Variants in FCRL4 observed in about 807,000 individuals in gnomAD.
FCRL4 encodes Fc receptor-like protein 4.
In FCRL4, 43 loss-of-function variants were observed where a neutral mutation model predicts 64.1. The ratio of observed to expected loss-of-function variants is 0.67; its 90% CI spans 0.53 to 0.87. The LOEUF (loss-of-function observed/expected upper bound fraction) is 0.87, where lower values mean the gene tolerates loss of function less well. FCRL4 is among the 40% of genes least tolerant of loss of function. The pLI is 0.00. For missense variants in FCRL4, 656 were observed against 613.5 expected (o/e 1.07, Z -0.73); for synonymous variants, 253 against 239.8 (o/e 1.05, Z -0.51).
At chr1:157,585,388 T>C (rs1029421639) in intron 6 of FCRL4, among the ~76,000 whole-genome samples, 1 of 93,564 alleles carries the variant, frequency 1.1e-5, no homozygotes, top group Non-Finnish European at 2.4e-5. Flanking sequence ...CTTTCTTTCT[T>C]TCTTTCCTTC....
rs180851267 is a variant in FCRL4, at chr1:157,582,228, G to A, written c.1136-584C>T. ...GGCTTTTGATATTTCCATGGGGTCC[G>A]TTCTCCTATCCTTTCATCCACGGAA... On this transcript the variant is annotated intron_variant, in intron 6 of 11. Coordinates refer to ENST00000271532, the MANE Select transcript of FCRL4 (RefSeq NM_031282.3). 1.1e-4 allele frequency among the ~76,000 whole-genome samples: 17 copies of A among 152,266 alleles called. No individual in the cohort carries two copies. In the East Asian group the frequency reaches 2.7e-3, roughly 24 times the overall value.
intron 8 of FCRL4, 107 bp from the exon 9 acceptor site, chr1:157,578,959 G>T (rs972148389): frequency 3.5e-6 from 3 of 848,208 alleles, no homozygotes; most frequent in African/African-American, 3.4e-5. Context: ...GAGAAAGTCA[G>T]CAGCCAGTAG....
At position 157,575,302 on chromosome 1, in the gene FCRL4, CTG is replaced by C; in HGVS notation, c.*220_*221del. The stretch of plus-strand genomic sequence containing the variant: ...CAAATACTACAGGGTCTTCTCTTAA[CTG>C]TGGATCCTGGTCATTTTAGTGAAGT... On this transcript the variant is annotated 3_prime_UTR_variant, in exon 12 of 12. Coordinates refer to ENST00000271532, the MANE Select transcript of FCRL4 (RefSeq NM_031282.3). 2 of 566,914 alleles carry C rather than the reference CTG, an allele frequency of 3.5e-6. No homozygotes were observed. The highest frequency in any genetic ancestry group is 4.1e-5 in the South Asian group (2 of 49,188). 35.1% of individuals were successfully genotyped at this position (566,914 alleles called of 1,614,324 possible). A position where few individuals can be genotyped will look rare whatever the true frequency, so the allele number is the denominator to read the frequency against.
chr1:157,582,937 G>T (rs941792339), intron 6 of FCRL4, among the ~76,000 whole-genome samples: 1 of 152,168 alleles, frequency 6.6e-6, no homozygotes, highest in East Asian at 1.9e-4. Flanking sequence ...CCACACCCAG[G>T]CCTAGGATTC....
chr1:157,575,526 A>T lies in FCRL4; in HGVS notation c.1546T>A (p.Ter516LysextTer31), dbSNP rs778991509. Residue 516 changes from the stop codon to lysine, a stop_lost, in exon 12 of 12, where the codon TAA (stop) becomes AAA (lysine). Transcript: ENST00000271532. ...CGTTCTCGTAACTTTTCATTCTCTT[A>T]ACTTTCTTCATCCTTAGAGCTGATC... ...GKISSKDEES* is the reference protein window; with the variant it reads ...GKISSKDEESK 1 of 1,612,112 alleles carries T rather than the reference A, an allele frequency of 6.2e-7. No individual in the cohort carries two copies. Among genetic ancestry groups the T allele is most frequent in the East Asian group, 2.2e-5 (1 of 44,850 alleles).
intron 6 of FCRL4, among the ~76,000 whole-genome samples, chr1:157,585,340 CT>C (rs1652652303): frequency 4.0e-5 from 4 of 99,506 alleles, no homozygotes; most frequent in South Asian, 4.1e-4. Flanking sequence ...CTTTCTTTCT[CT>C]CTCTCTTTCT....
chr1:157,580,192 G>A (rs868210293), intron 8 of FCRL4, 129 bp downstream of exon 8: 22 of 962,164 alleles, frequency 2.3e-5, no homozygotes, highest in African/African-American at 1.1e-4. Flanking sequence ...CAAATTCATG[G>A]AGTGTGAAAA....
chr1:157,578,657 G>A lies in FCRL4; in HGVS notation c.1360+113C>T, dbSNP rs1443844311. 9 of 1,391,268 alleles carry A rather than the reference G, an allele frequency of 6.5e-6. No individual in the cohort carries two copies. The East Asian group carries it at 1.8e-4, about 28-fold the overall frequency. 86.2% of individuals were successfully genotyped at this position (1,391,268 alleles called of 1,614,324 possible). A position where few individuals can be genotyped will look rare whatever the true frequency, so the allele number is the denominator to read the frequency against. On this transcript the variant is annotated intron_variant, in intron 9 of 11. Coordinates refer to ENST00000271532, the MANE Select transcript of FCRL4 (RefSeq NM_031282.3). ...GACACATAATGGAACAATTATCTGG[G>A]AATATCTGGATTTGGGACACTTTAG...
intron 1 of FCRL4, 85 bp downstream of exon 1, chr1:157,597,829 A>G (rs1004724878): frequency 3.8e-6 from 4 of 1,066,478 alleles, no homozygotes; most frequent in South Asian, 1.4e-5. Flanking sequence ...GTAAAAATCC[A>G]TGATTGCAGC....
At position 157,596,337 on chromosome 1, in the gene FCRL4, C is replaced by T. The variant is rs1187051362; in HGVS notation, c.43G>A (p.Gly15Arg). ...ASLLAFAPVC[G>R]QSAAAHKPVI... ...GAAAATAAGGACTTACCAGATTGTCCACAGACTGGAGCTGAAAGAGAGTAA... is the reference window on the plus strand; with the variant it reads ...GAAAATAAGGACTTACCAGATTGTCTACAGACTGGAGCTGAAAGAGAGTAA... Residue 15 changes from glycine to arginine, a missense_variant, in exon 2 of 12, where the codon GGA becomes AGA. By Grantham distance (125) the Gly-to-Arg change is moderately radical (BLOSUM62 -2). Transcript: ENST00000271532. 4 of 1,613,816 alleles carry T rather than the reference C, an allele frequency of 2.5e-6. No individual in the cohort carries two copies. The highest frequency in any genetic ancestry group is 1.3e-5 in the African/African-American group (1 of 74,884).
At chr1:157,575,827 C>T in intron 10 of FCRL4, 97 bp from the exon 11 acceptor site, 1 of 1,090,746 alleles carries the variant, frequency 9.2e-7, no homozygotes, top group Non-Finnish European at 1.4e-6. Flanking sequence ...GCCACTGGGC[C>T]CTGTCCACCT....
rs1039826170 is a variant in FCRL4 at position 157,589,378 on chromosome 1, T to C, written c.133A>G (p.Asn45Asp). Residue 45 changes from asparagine (N) to aspartate (D), a missense_variant, in exon 3 of 12, where the codon AAT becomes GAT. Transcript: ENST00000271532. ...TCTGTTGCATAGAACTGAAATCCAT[T>C]GCAAGTCAGAGTCACTCTCTCTCCT... is the stretch of plus-strand genomic sequence containing the variant. ...FKGERVTLTC[N>D]GFQFYATEKT... 9 of 1,614,120 alleles carry C rather than the reference T, an allele frequency of 5.6e-6. No individual in the cohort carries two copies. The highest frequency in any genetic ancestry group is 7.6e-6 in the Non-Finnish European group (9 of 1,180,014).
At chr1:157,580,924 G>A (rs1189245831) in intron 7 of FCRL4, among the ~76,000 whole-genome samples, 1 of 152,232 alleles carries the variant, frequency 6.6e-6, no homozygotes, top group Non-Finnish European at 1.5e-5. Context: ...CCTGAGGTGG[G>A]CTGAGGCAAG....
At chr1:157,595,433 T>G (rs9427292) in intron 2 of FCRL4, among the ~76,000 whole-genome samples, 26,966 of 152,224 alleles carry the variant, frequency 0.18, 3,462 homozygotes, top group Non-Finnish European at 0.27. Context: ...TTCTTTGCTC[T>G]GAGGAAGCTG....
Position 157,580,310 on chromosome 1 carries a change from T to C in FCRL4, c.1277+11A>G. 1 of 1,614,056 alleles carries C rather than the reference T, an allele frequency of 6.2e-7. No homozygotes were observed. Among genetic ancestry groups the C allele is most frequent in the Non-Finnish European group, 8.5e-7 (1 of 1,179,940 alleles). Reference sequence around the variant, plus strand: ...GAAACTAAAAAGGAATGGCAGAAACTGAGGTCTCACCTGGTTTCGTCTCCC... The same window carrying C: ...GAAACTAAAAAGGAATGGCAGAAACCGAGGTCTCACCTGGTTTCGTCTCCC... On this transcript the variant is annotated intron_variant, in intron 8 of 11. Transcript: ENST00000271532.
intron 9 of FCRL4, 92 bp from the exon 10 acceptor site, chr1:157,578,634 C>T (rs748477151): frequency 5.4e-5 from 75 of 1,385,092 alleles, no homozygotes; most frequent in Non-Finnish European, 7.3e-5. Flanking sequence ...TCTTCTTGGA[C>T]ACATAATGGA....
intron 1 of FCRL4, among the ~76,000 whole-genome samples, chr1:157,596,927 G>T (rs1296149009): frequency 1.3e-5 from 2 of 152,160 alleles, no homozygotes; most frequent in Non-Finnish European, 2.9e-5. Flanking sequence ...AGTTATAAAA[G>T]TTCCACCTGA....
intron 3 of FCRL4, 60 bp from the exon 4 acceptor site, chr1:157,588,179 C>G: frequency 6.5e-7 from 1 of 1,527,448 alleles, no homozygotes; most frequent in Non-Finnish European, 8.8e-7. Flanking sequence ...TCCTTCTTCT[C>G]TTGAATTACA....
At position 157,575,414 on chromosome 1, in the gene FCRL4, A is replaced by C. The variant is rs1023845695; in HGVS notation, c.*110T>G. ...ATGCATATGCATGAGAAGAATTAGA[A>C]AGCTGGAATGAGTTGATCATTCCAG... On this transcript the variant is annotated 3_prime_UTR_variant, in exon 12 of 12. Coordinates refer to ENST00000271532, the MANE Select transcript of FCRL4 (RefSeq NM_031282.3). 1 of 761,456 alleles carries C rather than the reference A, an allele frequency of 1.3e-6. No homozygotes were observed. The highest frequency in any genetic ancestry group is 2.3e-6 in the Non-Finnish European group (1 of 439,350). 47.2% of individuals were successfully genotyped at this position (761,456 alleles called of 1,614,324 possible).
Sources: gnomAD v4.1 joint callset for allele counts (sites outside exome capture counted in the v4.1 genomes callset) on GRCh38, gnomAD v4.1.1 for gene constraint, MANE v1.5 for transcripts, NCBI Gene and HGNC (gene_info 2026-07-23, HGNC 2026-07-21) for gene names.